The following TRIP4 variants were observed in gnomAD, a reference collection of about 807,000 sequenced individuals.
TRIP4 encodes the protein activating signal cointegrator 1.
In TRIP4, 54 loss-of-function variants were observed where a neutral mutation model predicts 81.8. That is an observed-to-expected ratio of 0.66 (90% CI 0.53 to 0.83). The LOEUF is 0.83. Among genes scored for constraint, TRIP4 ranks in the 40% least tolerant of loss-of-function variants. The pLI, the probability that TRIP4 is intolerant of heterozygous loss-of-function variation, is 0.00. For synonymous variants in TRIP4, 270 were observed against 242.8 expected (o/e 1.11, Z -1.04); for missense variants, 662 against 683.6 (o/e 0.97, Z 0.35).
intron 12 of TRIP4, among the ~76,000 whole-genome samples, chr15:64,447,837 A>G (rs574199612): frequency 1.3e-5 from 2 of 152,206 alleles, no homozygotes; most frequent in African/African-American, 2.4e-5. Flanking sequence ...TCAGCCCCCA[A>G]AGTAGCTGGG....
At chr15:64,437,641 C>G (rs760761602) in intron 11 of TRIP4, among the ~76,000 whole-genome samples, 2 of 151,820 alleles carry the variant, frequency 1.3e-5, no homozygotes, top group African/African-American at 4.8e-5. Context: ...TACAGGCGCA[C>G]GCCACCACGT....
chr15:64,444,980 G>C, intron 11 of TRIP4, 26 bp from the exon 12 acceptor site: 1 of 1,314,102 alleles, frequency 7.6e-7, no homozygotes, highest in Non-Finnish European at 1.1e-6. Context: ...CAACTATCCT[G>C]AACTTTTTAT....
intron 11 of TRIP4, among the ~76,000 whole-genome samples, chr15:64,431,031 C>G (rs1892259003): frequency 6.6e-6 from 1 of 151,868 alleles, no homozygotes; most frequent in South Asian, 2.1e-4. Flanking sequence ...CAGGAAGATT[C>G]CAAGTATCAC....
At chr15:64,393,653 G>GT (rs1566971206) in intron 1 of TRIP4, 1 of 189,624 alleles carries the variant, frequency 5.3e-6, no homozygotes, top group Middle Eastern at 2.0e-3. Flanking sequence ...TTTTAAAAAC[G>GT]TATTTATTGT....
rs756397127 is a variant in TRIP4, at chr15:64,424,058, C to A, written c.1386C>A (p.Pro462=). 6.2e-7 allele frequency: 1 copy of A among 1,614,104 alleles called. No homozygotes were observed. Among genetic ancestry groups the A allele is most frequent in the Non-Finnish European group, 8.5e-7 (1 of 1,180,010 alleles). Residue 462 remains proline (P), a synonymous_variant, in exon 10 of 13, where the codon CCC becomes CCA. Transcript: ENST00000261884. The part of the protein sequence containing the change: ...KRVEGRSWYT[P]HRGRLWIAAT... ...TGGAGGGCAGATCCTGGTACACCCC[C>A]CACAGAGGACGACTTTGGATAGCAG...
intron 12 of TRIP4, among the ~76,000 whole-genome samples, chr15:64,450,163 G>A (rs932886617): frequency 2.6e-5 from 4 of 151,928 alleles, no homozygotes; most frequent in African/African-American, 9.7e-5. Flanking sequence ...GGAGGCCGAG[G>A]CGGATCACAA....
intron 12 of TRIP4, among the ~76,000 whole-genome samples, chr15:64,451,540 C>T (rs1374677085): frequency 2.8e-5 from 4 of 142,894 alleles, no homozygotes; most frequent in East Asian, 2.0e-4. Context: ...GGTGTGAACT[C>T]GGCTCACTGC....
At chr15:64,394,866 C>T (rs543472774) in intron 2 of TRIP4, among the ~76,000 whole-genome samples, 1 of 152,228 alleles carries the variant, frequency 6.6e-6, no homozygotes, top group African/African-American at 2.4e-5. Context: ...TGTTTTGAGA[C>T]ATGGTCTCAC....
chr15:64,454,986 C>G lies in TRIP4; in HGVS notation c.1679-11C>G. On this transcript the variant is annotated splice_polypyrimidine_tract_variant and intron_variant, in intron 12 of 12. Coordinates refer to ENST00000261884, the MANE Select transcript of TRIP4 (RefSeq NM_016213.5). ...AAAATAAATAATGAGACTTATTTTT[C>G]TCCCTTACAGGGAAATTGGATTCCA... is the stretch of plus-strand genomic sequence containing the variant. 1 of 1,612,032 alleles carries G rather than the reference C, an allele frequency of 6.2e-7. No homozygotes were observed. Among genetic ancestry groups the G allele is most frequent in the South Asian group, 1.1e-5 (1 of 90,980 alleles).
chr15:64,424,196 G>A, intron 10 of TRIP4, 41 bp downstream of exon 10: 1 of 1,610,824 alleles, frequency 6.2e-7, no homozygotes, highest in Non-Finnish European at 8.5e-7. Flanking sequence ...ACTTTATGGA[G>A]AGAAGTCATT....
At chr15:64,411,734 CAGT>C (rs1397670346) in intron 7 of TRIP4, among the ~76,000 whole-genome samples, 1 of 150,762 alleles carries the variant, frequency 6.6e-6, no homozygotes, top group Non-Finnish European at 1.5e-5. Context: ...GGCTGGAGTG[CAGT>C]GGCGCGATCT....
intron 9 of TRIP4, among the ~76,000 whole-genome samples, chr15:64,419,245 A>G (rs1047938483): frequency 6.6e-6 from 1 of 152,244 alleles, no homozygotes; most frequent in African/African-American, 2.4e-5. Flanking sequence ...CTTTTCTACA[A>G]AAGTAGGGGA....
chr15:64,388,485 T>G (rs1404408168), intron 1 of TRIP4, among the ~76,000 whole-genome samples: 2 of 152,032 alleles, frequency 1.3e-5, no homozygotes, highest in Non-Finnish European at 2.9e-5. Context: ...TTTTAAAAAT[T>G]TTTAGTAGAG....
Position 64,444,465 on chromosome 15 carries a change from C to T in TRIP4, c.1576-541C>T, listed in dbSNP as rs116864872. On this transcript the variant is annotated intron_variant, in intron 11 of 12. Coordinates refer to ENST00000261884, the MANE Select transcript of TRIP4 (RefSeq NM_016213.5). ...TGCTCTAACCAGTTACCTTTTCACCCGAAGTAGATCTGGAAAGCATCCAGC... is the reference window on the plus strand; with the variant it reads ...TGCTCTAACCAGTTACCTTTTCACCTGAAGTAGATCTGGAAAGCATCCAGC... Among the ~76,000 whole-genome samples, 36 of 152,296 alleles carry T rather than the reference C, an allele frequency of 2.4e-4. No homozygotes were observed. In the East Asian group the frequency reaches 6.7e-3, roughly 29 times the overall value.
intron 4 of TRIP4, among the ~76,000 whole-genome samples, chr15:64,399,242 G>A (rs1042661957): frequency 6.6e-6 from 1 of 151,912 alleles, no homozygotes; most frequent in Admixed American, 6.6e-5. Context: ...GTGAGCCACC[G>A]TGCCTGGTGG....
chr15:64,418,329 C>G (rs1234460158), intron 8 of TRIP4, among the ~76,000 whole-genome samples: 1 of 152,190 alleles, frequency 6.6e-6, no homozygotes, highest in Non-Finnish European at 1.5e-5. Flanking sequence ...CCAGACTGGC[C>G]TAGAACTCCT....
At chr15:64,395,608 G>C in intron 3 of TRIP4, 77 bp downstream of exon 3, 1 of 1,472,754 alleles carries the variant, frequency 6.8e-7, no homozygotes. Context: ...AGAGCAAAGT[G>C]TACAAATTGG....
In TRIP4 at chr15:64,391,844, G is replaced by A. The variant is rs146831361; in HGVS notation, c.102-2102G>A. 2.2e-3 allele frequency among the ~76,000 whole-genome samples: 336 copies of A among 151,752 alleles called. 2 individuals are homozygous for A. The highest frequency in any genetic ancestry group is 7.7e-3 in the African/African-American group (320 of 41,346). ...AAATTAGCCGGGCGCAGTGGTGCACGCCTGCAATCCCAGCTACTCAGGAGG... is the reference window on the plus strand; with the variant it reads ...AAATTAGCCGGGCGCAGTGGTGCACACCTGCAATCCCAGCTACTCAGGAGG... On this transcript the variant is annotated intron_variant, in intron 1 of 12. Coordinates refer to ENST00000261884, the MANE Select transcript of TRIP4 (RefSeq NM_016213.5).
In TRIP4 at chr15:64,406,430, A is replaced by T. The variant is rs764184397; in HGVS notation, c.798A>T (p.Lys266Asn). ...KSGLEKAIKH[K>N]DKLLEFDRTS... ...GTCTGGAGAAGGCTATCAAGCATAAAGACAAACTGTTAGAGTTTGACAGAA... is the reference window on the plus strand; with the variant it reads ...GTCTGGAGAAGGCTATCAAGCATAATGACAAACTGTTAGAGTTTGACAGAA... The change falls in exon 6 of 13, where the codon AAA (lysine) becomes AAT (asparagine). Residue 266 changes from lysine (K) to asparagine (N), a missense_variant. Coordinates refer to ENST00000261884, the MANE Select transcript of TRIP4 (RefSeq NM_016213.5). The T allele has an allele frequency of 3.1e-6, 5 of 1,614,162 alleles. No individual in the cohort carries two copies. Among genetic ancestry groups the T allele is most frequent in the Non-Finnish European group, 4.2e-6 (5 of 1,180,022 alleles).
Sources: allele counts gnomAD v4.1 joint callset (sites outside exome capture counted in the v4.1 genomes callset), GRCh38; gene constraint gnomAD v4.1.1; transcripts MANE v1.5; gene names NCBI Gene and HGNC (gene_info 2026-07-23, HGNC 2026-07-21).